MMP24: variants seen among roughly 807,000 people sequenced by gnomAD.
The protein encoded by MMP24 is matrix metalloproteinase-24.
MMP24 carries 25 observed loss-of-function variants against 62.8 expected under a neutral mutation model. The observed-to-expected ratio is 0.40, with a 90% confidence interval of 0.29 to 0.56. MMP24 has a LOEUF of 0.56. MMP24 is among the 20% of genes least tolerant of loss of function. MMP24 has a pLI of 0.50. For missense variants in MMP24, 634 were observed against 853.6 expected (o/e 0.74, Z 3.21); for synonymous variants, 319 against 350.5 (o/e 0.91, Z 1.00).
At chr20:35,242,528 G>A (rs949033210) in intron 1 of MMP24, among the ~76,000 whole-genome samples, 8 of 152,186 alleles carry the variant, frequency 5.3e-5, no homozygotes, top group South Asian at 2.1e-4. Flanking sequence ...AAAGGGAAAC[G>A]CATTGGGTTA....
At position 35,246,949 on chromosome 20, in the gene MMP24, G is replaced by T. The variant is rs554307663; in HGVS notation, c.356G>T (p.Gly119Val). 1 of 1,614,050 alleles carries T rather than the reference G, an allele frequency of 6.2e-7. No individual in the cohort carries two copies. The highest frequency in any genetic ancestry group is 2.2e-5 in the East Asian group (1 of 44,884). Residue 119 changes from glycine to valine, a missense_variant, in exon 2 of 9, where the codon GGG (glycine) becomes GTG (valine). This residue lies in a region of MMP24 where 212 missense variants were observed against 259.6 expected (regional missense o/e 0.82). Transcript: ENST00000246186. Reference protein sequence around the residue: ...SAVSTMQQFYGIPVTGVLDQT... With the variant: ...SAVSTMQQFYVIPVTGVLDQT... ...GTCTCCACTATGCAGCAGTTTTACG[G>T]GATCCCGGTCACCGGTGTGTTGGAT...
At chr20:35,249,049 C>T (rs575445703) in intron 2 of MMP24, among the ~76,000 whole-genome samples, 2 of 152,190 alleles carry the variant, frequency 1.3e-5, no homozygotes, top group Non-Finnish European at 1.5e-5. Flanking sequence ...TCTGCCCACA[C>T]CTCCTTGTAG....
intron 2 of MMP24, among the ~76,000 whole-genome samples, chr20:35,249,181 T>C (rs1478028108): frequency 6.6e-6 from 1 of 152,170 alleles, no homozygotes; most frequent in Non-Finnish European, 1.5e-5. Context: ...CAGCTCCAGC[T>C]CTGTGACCTT....
In MMP24 at chr20:35,275,727, G is replaced by A. The variant is rs1051905889; in HGVS notation, c.*1118G>A. ...CCCCACTACTCTGAGGCCGACTCCA[G>A]CTACTCTGAGGCCGACTCAATCTCT... On this transcript the variant is annotated 3_prime_UTR_variant, in exon 9 of 9. Transcript: ENST00000246186. 1.0e-5 allele frequency: 3 copies of A among 300,094 alleles called. No individual in the cohort carries two copies. The highest frequency in any genetic ancestry group is 6.4e-5 in the African/African-American group (3 of 46,602). 18.6% of individuals were successfully genotyped at this position (300,094 alleles called of 1,614,324 possible).
At position 35,275,779 on chromosome 20, in the gene MMP24, C is replaced by T. The variant is rs1035461352; in HGVS notation, c.*1170C>T. The T allele has an allele frequency of 2.6e-6, 1 of 379,452 alleles. No homozygotes were observed. Among genetic ancestry groups the T allele is most frequent in the African/African-American group, 2.1e-5 (1 of 48,316 alleles). 23.5% of individuals were successfully genotyped at this position (379,452 alleles called of 1,614,324 possible). A position where few individuals can be genotyped will look rare whatever the true frequency, so the allele number is the denominator to read the frequency against. On this transcript the variant is annotated 3_prime_UTR_variant, in exon 9 of 9. Transcript: ENST00000246186. The stretch of plus-strand genomic sequence containing the variant: ...GGCTGGAAGCAGTGTTTTCCCAGAG[C>T]TTGGCCCTTGCTGACCTCGCTCACT...
chr20:35,258,177 T>C (rs751810065), intron 4 of MMP24, among the ~76,000 whole-genome samples: 1 of 152,238 alleles, frequency 6.6e-6, no homozygotes, highest in Non-Finnish European at 1.5e-5. Context: ...TTTTGGCTGA[T>C]GTATTTTAAA....
chr20:35,250,727 A>G (rs867347047), intron 2 of MMP24, among the ~76,000 whole-genome samples: 5 of 152,246 alleles, frequency 3.3e-5, no homozygotes, highest in South Asian at 4.1e-4. Flanking sequence ...AAACAAGCAC[A>G]TCATCATATG....
chr20:35,271,584 T>C lies in MMP24; in HGVS notation c.1349T>C (p.Val450Ala). The C allele has an allele frequency of 1.2e-6, 2 of 1,612,922 alleles. No individual in the cohort carries two copies. Among genetic ancestry groups the C allele is most frequent in the Non-Finnish European group, 1.7e-6 (2 of 1,179,516 alleles). ...TTGGCCACAGGTGACAAGTATTGGG[T>C]GTTTAAGGAGGTGACGGTGGAGCCT... ...FVFFKGDKYW[V>A]FKEVTVEPGY... is the part of the protein sequence containing the mutation. The change falls in exon 8 of 9, where the codon GTG (valine) becomes GCG (alanine). Residue 450 changes from valine to alanine, a missense_variant. Transcript: ENST00000246186. The surrounding 1 kb of genome is among the most constrained non-coding windows in gnomAD (Gnocchi z 4.0).
At chr20:35,254,328 G>A (rs1020292151) in intron 3 of MMP24, 122 bp from the exon 4 acceptor site, 7 of 992,302 alleles carry the variant, frequency 7.1e-6, no homozygotes, top group Admixed American at 6.8e-5. Context: ...CCCTGAGGCA[G>A]CTAAGCAGAA....
At chr20:35,264,587 AATCT>A (rs2146232955) in intron 5 of MMP24, among the ~76,000 whole-genome samples, 1 of 152,016 alleles carries the variant, frequency 6.6e-6, no homozygotes, top group Non-Finnish European at 1.5e-5. Context: ...GGGCAAGTGA[AATCT>A]CAGCTACTTG....
rs2060671523 is a variant in MMP24 at position 35,271,795 on chromosome 20, C to T, written c.1560C>T (p.Ile520=). 6 of 1,608,878 alleles carry T rather than the reference C, an allele frequency of 3.7e-6. No individual in the cohort carries two copies. The highest frequency in any genetic ancestry group is 4.5e-5 in the East Asian group (2 of 44,782). ...AGCCCATCACCGTGTGGAAGGGCATCCCACAGGCTCCCCAAGGAGCCTTCA... is the reference window on the plus strand; with the variant it reads ...AGCCCATCACCGTGTGGAAGGGCATTCCACAGGCTCCCCAAGGAGCCTTCA... The part of the protein sequence containing the change: ...YPKPITVWKG[I]PQAPQGAFIS... Residue 520 remains isoleucine (I), a synonymous_variant, in exon 8 of 9, where the codon ATC becomes ATT. Coordinates refer to ENST00000246186, the MANE Select transcript of MMP24 (RefSeq NM_006690.4). This position sits in a 1 kb window ranked among gnomAD's most constrained non-coding sequence, Gnocchi z 4.0.
At chr20:35,229,172 C>T (rs189022586) in intron 1 of MMP24, among the ~76,000 whole-genome samples, 24 of 152,292 alleles carry the variant, frequency 1.6e-4, no homozygotes, top group African/African-American at 5.5e-4. Context: ...CACTCAGTAA[C>T]TTCCTTCAAG....
chr20:35,264,694 C>A (rs1466516250), intron 5 of MMP24, among the ~76,000 whole-genome samples: 1 of 105,634 alleles, frequency 9.5e-6, no homozygotes, highest in Non-Finnish European at 1.7e-5. Context: ...GGCAACAGGG[C>A]GAGACTCCGT....
chr20:35,268,435 A>C (rs998597887), intron 6 of MMP24, among the ~76,000 whole-genome samples: 6 of 152,236 alleles, frequency 3.9e-5, no homozygotes, highest in Admixed American at 2.6e-4. Context: ...AGCACTGCGC[A>C]GGAATCGGGC....
At position 35,263,911 on chromosome 20, in the gene MMP24, A is replaced by C. The variant is rs1375747958; in HGVS notation, c.938A>C (p.Lys313Thr). The C allele has an allele frequency of 6.2e-7, 1 of 1,612,368 alleles. No individual in the cohort carries two copies. The highest frequency in any genetic ancestry group is 8.5e-7 in the Non-Finnish European group (1 of 1,179,232). Residue 313 changes from lysine to threonine, a missense_variant, in exon 5 of 9, where the codon AAG becomes ACG. Lys to Thr is a moderately conservative substitution (Grantham distance 78, BLOSUM62 -1). Around this residue, in one of 3 missense-constraint regions of MMP24, gnomAD observed 399 missense variants for 530.8 expected, o/e 0.75. Coordinates refer to ENST00000246186, the MANE Select transcript of MMP24 (RefSeq NM_006690.4). ...CAGTACATGGAGACGCACAACTTCA[A>C]GCTGCCCCAGGACGATCTCCAGGGC... ...FYQYMETHNF[K>T]LPQDDLQGIQ...
intron 3 of MMP24, among the ~76,000 whole-genome samples, chr20:35,253,270 C>CTTTTTTTTTTTTTTTTTTTTT (rs34474017): frequency 7.6e-5 from 6 of 79,050 alleles, no homozygotes; most frequent in Admixed American, 2.8e-4. Flanking sequence ...CAGAACGGGA[C>CTTTTTTTTTTTTTTTTTTTTT]TTTTTTTTTT....
intron 1 of MMP24, among the ~76,000 whole-genome samples, chr20:35,236,692 G>A (rs549971029): frequency 5.9e-5 from 9 of 152,084 alleles, no homozygotes; most frequent in Non-Finnish European, 1.3e-4. Context: ...AATCACCAAG[G>A]GCTGGGTGAG....
In MMP24 at chr20:35,274,207, C is replaced by T; in HGVS notation, c.1601-65C>T. 11 of 1,486,546 alleles carry T rather than the reference C, an allele frequency of 7.4e-6. No individual in the cohort carries two copies. The highest frequency in any genetic ancestry group is 1.0e-5 in the Non-Finnish European group (11 of 1,096,138). 92.1% of individuals were successfully genotyped at this position (1,486,546 alleles called of 1,614,324 possible). A position where few individuals can be genotyped will look rare whatever the true frequency, so the allele number is the denominator to read the frequency against. On this transcript the variant is annotated intron_variant, in intron 8 of 8. Coordinates refer to ENST00000246186, the MANE Select transcript of MMP24 (RefSeq NM_006690.4). This position sits in a 1 kb window ranked among gnomAD's most constrained non-coding sequence, Gnocchi z 5.1. The stretch of plus-strand genomic sequence containing the variant: ...GCCACAGTGCCTGTGCCCTCCTTTT[C>T]ACACTGCCCCAGAGCAGGTGCCGGA...
chr20:35,267,173 C>T (rs767649865), intron 5 of MMP24, 32 bp from the exon 6 acceptor site: 1 of 1,524,814 alleles, frequency 6.6e-7, no homozygotes, highest in Non-Finnish European at 8.9e-7. Flanking sequence ...GAAACGGCTG[C>T]CCCCTCTCTA....
Sources: allele counts gnomAD v4.1 joint callset (sites outside exome capture counted in the v4.1 genomes callset), GRCh38; gene constraint gnomAD v4.1.1; regional missense constraint gnomAD v4.1.1; non-coding constraint Gnocchi (gnomAD v3.1); transcripts MANE v1.5; gene names NCBI Gene and HGNC (gene_info 2026-07-23, HGNC 2026-07-21).